PPP4R2: variants seen among roughly 807,000 people sequenced by gnomAD.
PPP4R2 encodes serine/threonine-protein phosphatase 4 regulatory subunit 2.
In PPP4R2, 13 loss-of-function variants were observed where a neutral mutation model predicts 47.2. The observed-to-expected ratio is 0.28, with a 90% CI of 0.18 to 0.44. PPP4R2 has a LOEUF of 0.44. Among genes scored for constraint, PPP4R2 ranks in the 20% least tolerant of loss-of-function variants. The pLI is 1.00. For synonymous variants in PPP4R2, 151 were observed against 163.3 expected (o/e 0.92, Z 0.57); for missense variants, 421 against 491.2 (o/e 0.86, Z 1.35).
At chr3:73,008,587 ACTTAG>A (rs1254683136) in intron 2 of PPP4R2, among the ~76,000 whole-genome samples, 1 of 152,000 alleles carries the variant, frequency 6.6e-6, no homozygotes, top group African/African-American at 2.4e-5. Flanking sequence ...TGAGTTCCAA[ACTTAG>A]CTTTTCTACT....
chr3:73,069,093 T>C lies in PPP4R2; in HGVS notation c.*3371T>C, dbSNP rs931657882. 6.6e-6 allele frequency: 1 copy of C among 152,248 alleles called. No homozygotes were observed. The highest frequency in any genetic ancestry group is 1.5e-5 in the Non-Finnish European group (1 of 68,034). The allele number at this position is 152,248 out of a possible 1,614,324, so 9.4% of individuals were successfully genotyped here. A position where few individuals can be genotyped will look rare whatever the true frequency, so the allele number is the denominator to read the frequency against. On this transcript the variant is annotated 3_prime_UTR_variant, in exon 9 of 9. Coordinates refer to ENST00000356692, the MANE Select transcript of PPP4R2 (RefSeq NM_174907.4). ...GACTACATCTTACTATTTCACATTT[T>C]AAAAATCAGTACACTCTTCAGGATT...
chr3:73,006,518 ACT>A (rs1295350464), intron 2 of PPP4R2, among the ~76,000 whole-genome samples: 2 of 149,864 alleles, frequency 1.3e-5, no homozygotes, highest in East Asian at 1.9e-4. Flanking sequence ...TACATGGAGC[ACT>A]CTCGTTGGTT....
intron 2 of PPP4R2, among the ~76,000 whole-genome samples, chr3:73,046,036 T>C (rs1165256541): frequency 6.6e-6 from 1 of 152,214 alleles, no homozygotes; most frequent in Non-Finnish European, 1.5e-5. Flanking sequence ...AAATTAGTAA[T>C]TTTTATATCT....
At chr3:73,014,891 A>G (rs144773431) in intron 2 of PPP4R2, 7 of 606,872 alleles carry the variant, frequency 1.2e-5, no homozygotes, top group African/African-American at 3.7e-5. Context: ...TTTTAATGAG[A>G]TGGGGTCTTG....
intron 2 of PPP4R2, among the ~76,000 whole-genome samples, chr3:73,027,272 G>T (rs576119953): frequency 6.6e-6 from 1 of 152,088 alleles, no homozygotes; most frequent in Admixed American, 6.6e-5. Context: ...GACTACAGGC[G>T]TGCGCCACCA....
At chr3:73,049,663 T>G (rs2107315327) in intron 3 of PPP4R2, among the ~76,000 whole-genome samples, 1 of 151,900 alleles carries the variant, frequency 6.6e-6, no homozygotes, top group Admixed American at 6.6e-5. Context: ...TGTAAGCATA[T>G]TTACTTGTTA....
chr3:73,018,848 C>T lies in PPP4R2; in HGVS notation c.116+20690C>T, dbSNP rs1701903425. Among the ~76,000 whole-genome samples, 3 of 152,130 alleles carry T rather than the reference C, an allele frequency of 2.0e-5. No individual in the cohort carries two copies. In the South Asian group the frequency reaches 6.2e-4, roughly 31 times the overall value. ...TATTTACTGAGAAGTTTTCTTGGAT[C>T]TCCTTTTCTCAATAAAAACTGCCAT... On this transcript the variant is annotated intron_variant, in intron 2 of 8. Transcript: ENST00000356692.
chr3:73,064,127 A>C lies in PPP4R2; in HGVS notation c.619A>C (p.Asn207His), dbSNP rs1234213255. Residue 207 changes from asparagine (N) to histidine (H), a missense_variant, in exon 7 of 9, where the codon AAT (asparagine) becomes CAT (histidine). Transcript: ENST00000356692. ...CAGCAAAGAGGCAAATTTGCAGCAAAATGAGGAGAAAAATCACAGGTTTGT... is the reference window on the plus strand; with the variant it reads ...CAGCAAAGAGGCAAATTTGCAGCAACATGAGGAGAAAAATCACAGGTTTGT... ...TDSKEANLQQ[N>H]EEKNHSDSST... The C allele has an allele frequency of 1.2e-6, 2 of 1,607,936 alleles. No individual in the cohort carries two copies. The highest frequency in any genetic ancestry group is 3.4e-5 in the Admixed American group (2 of 58,068).
chr3:73,046,784 T>G (rs1702496081), intron 2 of PPP4R2, among the ~76,000 whole-genome samples: 1 of 152,206 alleles, frequency 6.6e-6, no homozygotes, highest in Non-Finnish European at 1.5e-5. Context: ...GCAAACATTG[T>G]AACTTGGATG....
intron 2 of PPP4R2, among the ~76,000 whole-genome samples, chr3:73,001,985 TTC>T (rs1701472992): frequency 6.6e-6 from 1 of 151,642 alleles, no homozygotes; most frequent in East Asian, 1.9e-4. Flanking sequence ...ATATTCTTTT[TTC>T]TCCCCTTTTA....
At chr3:73,050,412 A>G (rs1407831499) in intron 3 of PPP4R2, among the ~76,000 whole-genome samples, 3 of 150,738 alleles carry the variant, frequency 2.0e-5, no homozygotes, top group African/African-American at 4.9e-5. Flanking sequence ...ATATATTGGT[A>G]TGTTGAAACA....
At chr3:73,006,056 A>G (rs754951505) in intron 2 of PPP4R2, among the ~76,000 whole-genome samples, 13 of 152,208 alleles carry the variant, frequency 8.5e-5, no homozygotes, top group South Asian at 6.2e-4. Context: ...CTTTTTGTCA[A>G]TGTAGATTAG....
At position 73,020,355 on chromosome 3, in the gene PPP4R2, A is replaced by G. The variant is rs560717602; in HGVS notation, c.116+22197A>G. 5.3e-5 allele frequency among the ~76,000 whole-genome samples: 8 copies of G among 152,220 alleles called. No homozygotes were observed. In the East Asian group the frequency reaches 9.7e-4, roughly 18 times the overall value. On this transcript the variant is annotated intron_variant, in intron 2 of 8. Coordinates refer to ENST00000356692, the MANE Select transcript of PPP4R2 (RefSeq NM_174907.4). ...AAGCACACATCCCCACGCCTGGCTT[A>G]TATTTTAAAAACATTATTTTGGCCA...
intron 2 of PPP4R2, among the ~76,000 whole-genome samples, chr3:73,008,859 A>C (rs890296939): frequency 3.3e-5 from 5 of 152,230 alleles, no homozygotes; most frequent in African/African-American, 9.6e-5. Context: ...AGCACAAAAC[A>C]GATTTAGGTT....
chr3:73,052,276 T>C (rs918304196), intron 3 of PPP4R2, among the ~76,000 whole-genome samples: 2 of 151,694 alleles, frequency 1.3e-5, no homozygotes, highest in Admixed American at 1.3e-4. Flanking sequence ...TCTTGTCTTT[T>C]AAAATTACTT....
chr3:73,061,206 C>A, intron 5 of PPP4R2, 146 bp downstream of exon 5: 1 of 374,650 alleles, frequency 2.7e-6, no homozygotes, highest in Non-Finnish European at 4.7e-6. Context: ...CATTCAGTCC[C>A]CAAAGTAGAA....
intron 4 of PPP4R2, 38 bp from the exon 5 acceptor site, chr3:73,060,984 CT>C: frequency 6.9e-7 from 1 of 1,455,986 alleles, no homozygotes; most frequent in Non-Finnish European, 9.4e-7. Context: ...TGTTGTAGTA[CT>C]TTTCTTCATA....
intron 2 of PPP4R2, among the ~76,000 whole-genome samples, chr3:73,021,572 A>C (rs758577079): frequency 2.0e-5 from 3 of 152,036 alleles, no homozygotes; most frequent in Admixed American, 6.6e-5. Context: ...GACAGGTTAG[A>C]TACTTTCAAC....
At position 73,055,672 on chromosome 3, in the gene PPP4R2, T is replaced by TG. The variant is rs1702717820; in HGVS notation, c.288-3365_288-3364insG. Among the ~76,000 whole-genome samples, 8 of 151,598 alleles carry TG rather than the reference T, an allele frequency of 5.3e-5. No individual in the cohort carries two copies. The South Asian group carries it at 1.7e-3, about 32-fold the overall frequency. ...ATTGCAGAGTAAACCAAACGCTTTT[T>TG]TTTTTTTGGAGACAGTCTCACTCTT... On this transcript the variant is annotated intron_variant, in intron 3 of 8. Transcript: ENST00000356692.
Sources: allele counts gnomAD v4.1 joint callset (sites outside exome capture counted in the v4.1 genomes callset), GRCh38; gene constraint gnomAD v4.1.1; transcripts MANE v1.5; gene names NCBI Gene and HGNC (gene_info 2026-07-23, HGNC 2026-07-21).